Variants in RIT2 observed in about 807,000 individuals in gnomAD.
The protein encoded by RIT2 is Ras like without CAAX 2, also known as GTP-binding protein Rit2.
A neutral mutation model predicts 23.7 loss-of-function variants in RIT2; 24 were observed. The observed-to-expected ratio is 1.01, with a 90% CI of 0.73 to 1.43. RIT2 has a LOEUF of 1.43. Among genes scored for constraint, RIT2 ranks in the 40% most tolerant of loss-of-function variants. RIT2 has a pLI of 0.00. For missense variants in RIT2, 236 were observed against 266.9 expected (o/e 0.88, Z 0.81); for synonymous variants, 107 against 91.1 (o/e 1.17, Z -0.99).
chr18:43,114,288 T>C (rs905667339), intron 1 of RIT2, among the ~76,000 whole-genome samples: 1 of 152,134 alleles, frequency 6.6e-6, no homozygotes, highest in Admixed American at 6.6e-5. Context: ...GTAGGGGTGC[T>C]GAATTTTATG....
intron 4 of RIT2, among the ~76,000 whole-genome samples, chr18:42,830,109 C>T (rs927548847): frequency 3.3e-5 from 5 of 152,126 alleles, no homozygotes; most frequent in African/African-American, 1.2e-4. Flanking sequence ...TTTTTCTTGA[C>T]ATATACCCTC....
At chr18:43,079,192 C>A (rs886196131) in intron 1 of RIT2, among the ~76,000 whole-genome samples, 2 of 152,002 alleles carry the variant, frequency 1.3e-5, no homozygotes, top group African/African-American at 4.8e-5. Context: ...AGTGAAGAAC[C>A]AAAACAAACT....
intron 4 of RIT2, among the ~76,000 whole-genome samples, chr18:42,792,345 C>A (rs191871698): frequency 1.3e-5 from 2 of 152,198 alleles, no homozygotes; most frequent in East Asian, 3.9e-4. Flanking sequence ...GAGCTTAGTA[C>A]ACGGGGGAAA....
chr18:42,816,106 G>A (rs1305991821), intron 4 of RIT2, among the ~76,000 whole-genome samples: 5 of 151,556 alleles, frequency 3.3e-5, no homozygotes. Context: ...GGACAATGGT[G>A]TGCCAGTAAA....
chr18:43,103,283 A>G (rs1913731545), intron 1 of RIT2, among the ~76,000 whole-genome samples: 1 of 152,186 alleles, frequency 6.6e-6, no homozygotes, highest in South Asian at 2.1e-4. Flanking sequence ...AATTTCCTCA[A>G]AGATGAAAAA....
At chr18:42,944,255 GT>G (rs1373788009) in intron 3 of RIT2, among the ~76,000 whole-genome samples, 1 of 151,990 alleles carries the variant, frequency 6.6e-6, no homozygotes, top group Admixed American at 6.6e-5. Flanking sequence ...GGCCTTTCCT[GT>G]TTCCTAAATG....
chr18:42,756,310 A>G (rs1475585802), intron 4 of RIT2, among the ~76,000 whole-genome samples: 4 of 152,168 alleles, frequency 2.6e-5, no homozygotes, highest in African/African-American at 9.7e-5. Flanking sequence ...GTAGGACATA[A>G]TAAATTAAAT....
At chr18:42,875,320 T>TC (rs1907717430) in intron 4 of RIT2, among the ~76,000 whole-genome samples, 20 of 151,632 alleles carry the variant, frequency 1.3e-4, no homozygotes, top group African/African-American at 4.6e-4. Context: ...GTTGCCTTCT[T>TC]TCTCTCTCTC....
chr18:42,851,191 T>C (rs971030764), intron 4 of RIT2, among the ~76,000 whole-genome samples: 2 of 152,320 alleles, frequency 1.3e-5, no homozygotes, highest in African/African-American at 2.4e-5. Context: ...AAACCCTATT[T>C]TGAGGTGGCT....
chr18:42,943,219 T>G (rs543135260), intron 3 of RIT2, among the ~76,000 whole-genome samples: 12 of 152,088 alleles, frequency 7.9e-5, no homozygotes, highest in African/African-American at 2.9e-4. Flanking sequence ...TTCCCTGCGA[T>G]TGGCTATTTT....
At chr18:42,985,576 C>T (rs1332765799) in intron 2 of RIT2, among the ~76,000 whole-genome samples, 3 of 152,076 alleles carry the variant, frequency 2.0e-5, no homozygotes, top group Non-Finnish European at 2.9e-5. Flanking sequence ...AGAGAACCTA[C>T]ATACTTATGA....
At chr18:42,978,939 A>T (rs1219558127) in intron 2 of RIT2, among the ~76,000 whole-genome samples, 1 of 152,116 alleles carries the variant, frequency 6.6e-6, no homozygotes, top group Non-Finnish European at 1.5e-5. Flanking sequence ...AGCACATAAG[A>T]CAGTGCTTTT....
intron 2 of RIT2, among the ~76,000 whole-genome samples, chr18:43,014,156 A>G (rs1911417220): frequency 6.6e-6 from 1 of 151,818 alleles, no homozygotes; most frequent in East Asian, 1.9e-4. Context: ...TTATTTGTGA[A>G]GCAAAAATAG....
At chr18:43,066,737 G>A (rs1386892404) in intron 1 of RIT2, among the ~76,000 whole-genome samples, 1 of 152,092 alleles carries the variant, frequency 6.6e-6, no homozygotes, top group African/African-American at 2.4e-5. Flanking sequence ...AGACTGGTTA[G>A]GCTAAGCATT....
chr18:43,078,843 T>C (rs1393305274), intron 1 of RIT2, among the ~76,000 whole-genome samples: 2 of 152,184 alleles, frequency 1.3e-5, no homozygotes, highest in African/African-American at 4.8e-5. Flanking sequence ...TGCATCAATC[T>C]TCTGTCCAAG....
At chr18:42,967,536 A>ATTTTTTTT (rs397940927) in intron 3 of RIT2, among the ~76,000 whole-genome samples, 6 of 80,756 alleles carry the variant, frequency 7.4e-5, no homozygotes, top group East Asian at 7.2e-4. Flanking sequence ...CGCCCGGCTA[A>ATTTTTTTT]TTTTTTTTTT....
intron 4 of RIT2, among the ~76,000 whole-genome samples, chr18:42,811,409 G>A (rs1905845833): frequency 6.6e-6 from 1 of 152,038 alleles, no homozygotes; most frequent in African/African-American, 2.4e-5. Flanking sequence ...GACTACACTA[G>A]TGTTGAATGG....
intron 4 of RIT2, among the ~76,000 whole-genome samples, chr18:42,909,762 A>G (rs1908718517): frequency 6.6e-6 from 1 of 151,996 alleles, no homozygotes; most frequent in Non-Finnish European, 1.5e-5. Context: ...TAAAATACAG[A>G]ATAGCTGAAG....
chr18:43,112,602 A>G (rs1913979634), intron 1 of RIT2, among the ~76,000 whole-genome samples: 1 of 152,200 alleles, frequency 6.6e-6, no homozygotes, highest in South Asian at 2.1e-4. Flanking sequence ...TTGGTAAAAC[A>G]TGGACAAAAA....
Sources: allele counts gnomAD v4.1 joint callset (sites outside exome capture counted in the v4.1 genomes callset), GRCh38; gene constraint gnomAD v4.1.1; transcripts MANE v1.5; gene names NCBI Gene and HGNC (gene_info 2026-07-23, HGNC 2026-07-21).